The following NRG1 variants were observed in gnomAD, a reference collection of about 807,000 sequenced individuals.
NRG1 encodes pro-neuregulin-1, membrane-bound isoform.
A neutral mutation model predicts 63.8 loss-of-function variants in NRG1; 18 were observed. The ratio of observed to expected loss-of-function variants is 0.28; its 90% CI spans 0.19 to 0.42. The LOEUF is 0.42. NRG1 is among the 10% of genes least tolerant of loss of function. The pLI is 1.00. For missense variants in NRG1, 762 were observed against 814.7 expected, an observed-to-expected ratio of 0.94 and a Z score of 0.79; for synonymous variants, 302 against 301.3, an observed-to-expected ratio of 1.00 and a Z score of -0.02.
intron 1 of NRG1, among the ~76,000 whole-genome samples, chr8:31,673,951 G>C (rs981233646): frequency 1.3e-5 from 2 of 152,070 alleles, no homozygotes; most frequent in Admixed American, 6.6e-5. Context: ...TCAGGTAACT[G>C]TTCCCACTCC....
At chr8:32,214,541 G>A (rs936238369) in intron 1 of NRG1, among the ~76,000 whole-genome samples, 5 of 152,104 alleles carry the variant, frequency 3.3e-5, no homozygotes, top group African/African-American at 9.7e-5. Context: ...TACTTGGGAG[G>A]CTGAGGTGGG....
At chr8:31,914,917 G>C (rs995949032) in intron 1 of NRG1, among the ~76,000 whole-genome samples, 5 of 151,400 alleles carry the variant, frequency 3.3e-5, no homozygotes, top group Non-Finnish European at 7.4e-5. Context: ...TATTCTTCTT[G>C]GTATTATTTG....
At chr8:32,758,704 A>G (rs1830129036) in intron 9 of NRG1, among the ~76,000 whole-genome samples, 1 of 152,082 alleles carries the variant, frequency 6.6e-6, no homozygotes, top group Admixed American at 6.6e-5. Context: ...AGATGTGTGC[A>G]TTGACAACAA....
Position 32,482,427 on chromosome 8 carries a change from C to A in NRG1, c.38-113401C>A, listed in dbSNP as rs529293430. 7.0e-5 allele frequency among the ~76,000 whole-genome samples: 4 copies of A among 57,160 alleles called. No individual in the cohort carries two copies. The South Asian group carries it at 1.3e-3, about 19-fold the overall frequency. 37.5% of individuals were successfully genotyped at this position (57,160 alleles called of 152,430 possible). On this transcript the variant is annotated intron_variant, in intron 1 of 10. Coordinates refer to the NRG1 transcript ENST00000519301. Reference sequence around the variant, plus strand: ...GTGTGTGTGTGTGTGTGTGTGTGTTCTCTGGTATCTGTAAATAACATCCAT... The same window carrying A: ...GTGTGTGTGTGTGTGTGTGTGTGTTATCTGGTATCTGTAAATAACATCCAT...
At chr8:32,743,194 G>C in intron 7 of NRG1, 1 of 986,394 alleles carries the variant, frequency 1.0e-6, no homozygotes, top group Non-Finnish European at 1.2e-6. Flanking sequence ...TTCAGAATGT[G>C]TTATTTGTCA....
chr8:32,465,857 T>A (rs957884040), intron 1 of NRG1, among the ~76,000 whole-genome samples: 1 of 152,112 alleles, frequency 6.6e-6, no homozygotes, highest in Non-Finnish European at 1.5e-5. Context: ...TCAGATAAAT[T>A]AACATAATAA....
intron 1 of NRG1, among the ~76,000 whole-genome samples, chr8:32,562,645 T>C (rs998947558): frequency 2.0e-5 from 3 of 152,026 alleles, no homozygotes; most frequent in Non-Finnish European, 2.9e-5. Context: ...GGTTTCAGTG[T>C]GTGAGTGTGC....
At chr8:32,097,034 T>G (rs1439577467) in intron 1 of NRG1, among the ~76,000 whole-genome samples, 1 of 152,212 alleles carries the variant, frequency 6.6e-6, no homozygotes, top group African/African-American at 2.4e-5. Flanking sequence ...GTACTATATT[T>G]CTACTCTTTA....
At chr8:32,655,582 T>C (rs1311841157) in intron 5 of NRG1, among the ~76,000 whole-genome samples, 1 of 152,186 alleles carries the variant, frequency 6.6e-6, no homozygotes, top group Non-Finnish European at 1.5e-5. Flanking sequence ...AGGGGTTCTT[T>C]ACCAGTGAAT....
At chr8:31,696,534 T>G (rs1266397136) in intron 1 of NRG1, among the ~76,000 whole-genome samples, 2 of 152,202 alleles carry the variant, frequency 1.3e-5, no homozygotes, top group African/African-American at 4.8e-5. Flanking sequence ...TGTCAGACCT[T>G]ACACAGTACC....
At chr8:31,672,016 C>T (rs148210619) in intron 1 of NRG1, among the ~76,000 whole-genome samples, 22 of 152,228 alleles carry the variant, frequency 1.4e-4, no homozygotes, top group South Asian at 1.2e-3. Context: ...TTGAATGTCA[C>T]TATTATAAGA....
chr8:31,665,548 G>A (rs553428281), intron 1 of NRG1, among the ~76,000 whole-genome samples: 1 of 152,288 alleles, frequency 6.6e-6, no homozygotes, highest in South Asian at 2.1e-4. Context: ...GAGAAGAGCT[G>A]CAAAAGGAAT....
At chr8:31,952,481 GCATGGCA>G (rs1803633622) in intron 1 of NRG1, among the ~76,000 whole-genome samples, 1 of 152,226 alleles carries the variant, frequency 6.6e-6, no homozygotes, top group African/African-American at 2.4e-5. Context: ...AGGCAGAACA[GCATGGCA>G]CTAAGTTAGG....
At chr8:31,815,286 G>A (rs904470263) in intron 1 of NRG1, among the ~76,000 whole-genome samples, 83 of 152,116 alleles carry the variant, frequency 5.5e-4, no homozygotes, top group African/African-American at 2.0e-3. Context: ...CTATTCTACT[G>A]TCTGTTTTTA....
chr8:32,260,405 C>T (rs1850234259), intron 1 of NRG1, among the ~76,000 whole-genome samples: 1 of 152,134 alleles, frequency 6.6e-6, no homozygotes, highest in Non-Finnish European at 1.5e-5. Context: ...CAGGCTGTGC[C>T]AATAATTCCA....
chr8:32,347,475 C>G (rs554030731), intron 1 of NRG1, among the ~76,000 whole-genome samples: 1 of 152,148 alleles, frequency 6.6e-6, no homozygotes, highest in African/African-American at 2.4e-5. Context: ...CTCACCTGCA[C>G]CTCACACAGT....
rs143779862 is a variant in NRG1 at position 32,754,415 on chromosome 8, C to G, written c.735C>G (p.Gly245=). The G allele has an allele frequency of 6.8e-6, 11 of 1,613,760 alleles. No individual in the cohort carries two copies. The African/African-American group carries it at 1.5e-4, about 22-fold the overall frequency. Residue 245 remains glycine, a synonymous_variant, in exon 8 of 12, where the codon GGC becomes GGG. Transcript: ENST00000356819. The stretch of plus-strand genomic sequence containing the variant: ...AGAAGAGAGTGCTGACCATAACCGG[C>G]ATCTGCATCGCCCTCCTTGTGGTCG...
intron 1 of NRG1, among the ~76,000 whole-genome samples, chr8:31,960,213 C>T (rs191838610): frequency 7.3e-4 from 111 of 152,224 alleles, no homozygotes; most frequent in Admixed American, 1.1e-3. Flanking sequence ...TTGCTGTGAT[C>T]CATTAAGTCT....
chr8:32,454,553 C>T (rs1429343394), intron 1 of NRG1, among the ~76,000 whole-genome samples: 1 of 150,604 alleles, frequency 6.6e-6, no homozygotes, highest in South Asian at 2.1e-4. Context: ...TAATCTGTGC[C>T]CAGTCCTCTT....
Sources: gnomAD v4.1 joint callset for allele counts (sites outside exome capture counted in the v4.1 genomes callset) on GRCh38, gnomAD v4.1.1 for gene constraint, MANE v1.5 for transcripts, NCBI Gene and HGNC (gene_info 2026-07-23, HGNC 2026-07-21) for gene names.